Variants in FZD8 observed in about 807,000 individuals in gnomAD.
FZD8 encodes the protein frizzled class receptor 8, also known as frizzled-8.
A neutral mutation model predicts 46.0 loss-of-function variants in FZD8; 18 were observed. The observed-to-expected ratio is 0.39, with a 90% confidence interval of 0.27 to 0.58. The LOEUF (loss-of-function observed/expected upper bound fraction) is 0.58, where lower values mean the gene tolerates loss of function less well. Ranked by LOEUF, FZD8 falls within the 20% of genes least tolerant of loss-of-function variation. FZD8 has a pLI of 0.55. For missense variants in FZD8, 785 were observed against 983.4 expected (o/e 0.80, Z 2.70); for synonymous variants, 586 against 467.9 (o/e 1.25, Z -3.26).
In FZD8 at chr10:35,639,226, T is replaced by C. The variant is rs1835809686; in HGVS notation, c.*119A>G. The C allele has an allele frequency of 6.8e-6, 2 of 293,954 alleles. No individual in the cohort carries two copies. The highest frequency in any genetic ancestry group is 1.3e-5 in the Non-Finnish European group (2 of 157,164). 18.2% of individuals were successfully genotyped at this position (293,954 alleles called of 1,614,324 possible). A position where few individuals can be genotyped will look rare whatever the true frequency, so the allele number is the denominator to read the frequency against. On this transcript the variant is annotated 3_prime_UTR_variant, in exon 1 of 1. Coordinates refer to ENST00000374694, the MANE Select transcript of FZD8 (RefSeq NM_031866.3). Reference sequence around the variant, plus strand: ...GGATACCATTAAGAGTTCATTATCATGCTAATAGCAATCAACACTGTGAAG... The same window carrying C: ...GGATACCATTAAGAGTTCATTATCACGCTAATAGCAATCAACACTGTGAAG...
Position 35,639,492 on chromosome 10 carries a change from G to C in FZD8, c.1938C>G (p.Gly646=). The change falls in exon 1 of 1, where the codon GGC becomes GGG. Residue 646 remains glycine, a synonymous_variant. Transcript: ENST00000374694. ...TAAGGGGGPG[G]GGGGGPGGGG... Reference sequence around the variant, plus strand: ...CGCCGCCGGGTCCCCCGCCGCCGCCGCCCCCCGGCCCGCCGCCACCCCCCG... The same window carrying C: ...CGCCGCCGGGTCCCCCGCCGCCGCCCCCCCCCGGCCCGCCGCCACCCCCCG... 1 of 926,044 alleles carries C rather than the reference G, an allele frequency of 1.1e-6. No individual in the cohort carries two copies. The highest frequency in any genetic ancestry group is 1.3e-6 in the Non-Finnish European group (1 of 779,582). The allele number at this position is 926,044 out of a possible 1,614,324, so 57.4% of individuals were successfully genotyped here. A position where few individuals can be genotyped will look rare whatever the true frequency, so the allele number is the denominator to read the frequency against.
rs898233978 is a variant in FZD8, at chr10:35,642,276, C to G, written c.-847G>C. The G allele has an allele frequency of 3.3e-5, 5 of 152,652 alleles. No homozygotes were observed. The highest frequency in any genetic ancestry group is 1.2e-4 in the African/African-American group (5 of 41,460). The allele number at this position is 152,652 out of a possible 1,614,324, so 9.5% of individuals were successfully genotyped here. ...GGGAGCAGCGCCCTTAGCCCAACTT[C>G]CCGGCTCCAGCCCCGCTCGCGCCGC... is the stretch of plus-strand genomic sequence containing the variant. On this transcript the variant is annotated 5_prime_UTR_variant, in exon 1 of 1. Transcript: ENST00000374694.
Position 35,641,715 on chromosome 10 carries a change from C to T in FZD8, c.-286G>A, listed in dbSNP as rs908202457. 3.9e-5 allele frequency: 12 copies of T among 307,944 alleles called. No homozygotes were observed. In the Admixed American group the frequency reaches 4.0e-4, roughly 10 times the overall value. 19.1% of individuals were successfully genotyped at this position (307,944 alleles called of 1,614,324 possible). ...ACAGTCCGTAGGTCCGCTCTGCTGG[C>T]CCCGGGTCGCGCTCAGCCCTCGCGG... is the stretch of plus-strand genomic sequence containing the variant. On this transcript the variant is annotated 5_prime_UTR_variant, in exon 1 of 1. Transcript: ENST00000374694. The surrounding 1 kb of genome is among the most constrained non-coding windows in gnomAD (Gnocchi z 6.3).
Position 35,639,753 on chromosome 10 carries a change from C to G in FZD8, c.1677G>C (p.Pro559=). 6.2e-7 allele frequency: 1 copy of G among 1,600,590 alleles called. No individual in the cohort carries two copies. Among genetic ancestry groups the G allele is most frequent in the Non-Finnish European group, 8.5e-7 (1 of 1,179,782 alleles). ...GGCAGTTGTGCGTGGCCTCCCAGCGCGGGCGGTTGTGCTGCTCGTAGAAGA... is the reference window on the plus strand; with the variant it reads ...GGCAGTTGTGCGTGGCCTCCCAGCGGGGGCGGTTGTGCTGCTCGTAGAAGA... ...ACLFYEQHNR[P]RWEATHNCPC... Residue 559 remains proline, a synonymous_variant, in exon 1 of 1, where the codon CCG becomes CCC. Coordinates refer to ENST00000374694, the MANE Select transcript of FZD8 (RefSeq NM_031866.3).
Position 35,641,331 on chromosome 10 carries a change from C to G in FZD8, c.99G>C (p.Leu33=). 5 of 1,613,922 alleles carry G rather than the reference C, an allele frequency of 3.1e-6. No homozygotes were observed. In the South Asian group the frequency reaches 5.5e-5, roughly 18 times the overall value. ...GCGGCACGGTGATCTCTTGGCATGC[C>G]AGCTCCTTGGCCGAGGCGGCCGCAG... is the stretch of plus-strand genomic sequence containing the variant. The part of the protein sequence containing the change: ...SGAAAASAKE[L]ACQEITVPLC... The change falls in exon 1 of 1, where the codon CTG becomes CTC. Residue 33 remains leucine, a synonymous_variant. Transcript: ENST00000374694. The surrounding 1 kb of genome is among the most constrained non-coding windows in gnomAD (Gnocchi z 6.3).
Position 35,640,715 on chromosome 10 carries a change from C to A in FZD8, c.715G>T (p.Val239Leu), listed in dbSNP as rs760083063. The change falls in exon 1 of 1, where the codon GTG (valine) becomes TTG (leucine). Residue 239 changes from valine to leucine, a missense_variant. This residue lies in a region of FZD8 where 354 missense variants were observed against 433.2 expected (regional missense o/e 0.82). Coordinates refer to ENST00000374694, the MANE Select transcript of FZD8 (RefSeq NM_031866.3). ...GGGTGGCGCTCGCTGGACACGCTCA[C>A]CATAGGCGCGCGGCACTGGCACCCG... ...EPGCQCRAPM[V>L]SVSSERHPLY... 6 of 1,446,940 alleles carry A rather than the reference C, an allele frequency of 4.1e-6. No homozygotes were observed. The highest frequency in any genetic ancestry group is 5.5e-6 in the Non-Finnish European group (6 of 1,084,910). The allele number at this position is 1,446,940 out of a possible 1,614,324, so 89.6% of individuals were successfully genotyped here. A position where few individuals can be genotyped will look rare whatever the true frequency, so the allele number is the denominator to read the frequency against.
rs1198928046 is a variant in FZD8, at chr10:35,639,464, C to T, written c.1966G>A (p.Gly656Arg). Residue 656 changes from glycine to arginine, a missense_variant, in exon 1 of 1, where the codon GGG becomes AGG. Physicochemically the swap from Gly to Arg is moderately radical, Grantham distance 125 (BLOSUM62 -2). Around this residue, in one of 5 missense-constraint regions of FZD8, gnomAD observed 185 missense variants for 180.8 expected, o/e 1.02. Transcript: ENST00000374694. ...GAGCCCCCGCCGCCGCCCGGCCCCCCGCCGCCGCCGGGTCCCCCGCCGCCG... is the reference window on the plus strand; with the variant it reads ...GAGCCCCCGCCGCCGCCCGGCCCCCTGCCGCCGCCGGGTCCCCCGCCGCCG... ...GGGGGGPGGGGGPGGGGGSLY... is the reference protein window; with the variant it reads ...GGGGGGPGGGRGPGGGGGSLY... The T allele has an allele frequency of 4.9e-6, 5 of 1,028,304 alleles. No homozygotes were observed. Among genetic ancestry groups the T allele is most frequent in the Admixed American group, 5.5e-5 (1 of 18,096 alleles). 63.7% of individuals were successfully genotyped at this position (1,028,304 alleles called of 1,614,324 possible).
rs988871537 is a variant in FZD8 at position 35,641,295 on chromosome 10, G to A, written c.135C>T (p.Gly45=). 2 of 1,614,032 alleles carry A rather than the reference G, an allele frequency of 1.2e-6. No homozygotes were observed. The highest frequency in any genetic ancestry group is 8.5e-7 in the Non-Finnish European group (1 of 1,179,920). The change falls in exon 1 of 1, where the codon GGC becomes GGT. Residue 45 remains glycine (G), a synonymous_variant. Transcript: ENST00000374694. The surrounding 1 kb of genome is among the most constrained non-coding windows in gnomAD (Gnocchi z 6.3). ...CQEITVPLCK[G]IGYNYTYMPN... ...GCATGTAGGTGTAGTTGTAGCCGAT[G>A]CCCTTACACAGCGGCACGGTGATCT...
rs1835848952 is a variant in FZD8 at position 35,640,873 on chromosome 10, G to T, written c.557C>A (p.Pro186Gln). Residue 186 changes from proline (P) to glutamine (Q), a missense_variant, in exon 1 of 1, where the codon CCG becomes CAG. By Grantham distance (76) the Pro-to-Gln change is moderately conservative. This residue lies in a region of FZD8 where 354 missense variants were observed against 433.2 expected (regional missense o/e 0.82). Coordinates refer to ENST00000374694, the MANE Select transcript of FZD8 (RefSeq NM_031866.3). ...PPSGSGHGRPPGARPPHRGGG... is the reference protein window; with the variant it reads ...PPSGSGHGRPQGARPPHRGGG... Reference sequence around the variant, plus strand: ...GCCGCGGTGCGGGGGCCTGGCCCCCGGCGGGCGGCCGTGGCCGCTGCCCGA... The same window carrying T: ...GCCGCGGTGCGGGGGCCTGGCCCCCTGCGGGCGGCCGTGGCCGCTGCCCGA... 1 of 976,998 alleles carries T rather than the reference G, an allele frequency of 1.0e-6. No homozygotes were observed. Among genetic ancestry groups the T allele is most frequent in the Admixed American group, 6.5e-5 (1 of 15,456 alleles). 60.5% of individuals were successfully genotyped at this position (976,998 alleles called of 1,614,324 possible). A position where few individuals can be genotyped will look rare whatever the true frequency, so the allele number is the denominator to read the frequency against.
Position 35,641,941 on chromosome 10 carries a change from C to A in FZD8, c.-512G>T. The A allele has an allele frequency of 6.5e-6, 1 of 153,302 alleles. No individual in the cohort carries two copies. The highest frequency in any genetic ancestry group is 1.8e-4 in the South Asian group (1 of 5,656). The allele number at this position is 153,302 out of a possible 1,614,324, so 9.5% of individuals were successfully genotyped here. A position where few individuals can be genotyped will look rare whatever the true frequency, so the allele number is the denominator to read the frequency against. On this transcript the variant is annotated 5_prime_UTR_variant, in exon 1 of 1. Transcript: ENST00000374694. This position sits in a 1 kb window ranked among gnomAD's most constrained non-coding sequence, Gnocchi z 6.3. ...GCTTGCCGCGCCGGGTCAGCCCTGGCGGCCACCACTCGGCCCCCGGGGGCT... is the reference window on the plus strand; with the variant it reads ...GCTTGCCGCGCCGGGTCAGCCCTGGAGGCCACCACTCGGCCCCCGGGGGCT...
Position 35,639,488 on chromosome 10 carries a change from C to A in FZD8, c.1942G>T (p.Gly648Cys). ...AGGGGGPGGG[G>C]GGGPGGGGGP... ...CCGCCGCCGCCGGGTCCCCCGCCGCCGCCGCCCCCCGGCCCGCCGCCACCC... is the reference window on the plus strand; with the variant it reads ...CCGCCGCCGCCGGGTCCCCCGCCGCAGCCGCCCCCCGGCCCGCCGCCACCC... Residue 648 changes from glycine (G) to cysteine (C), a missense_variant, in exon 1 of 1, where the codon GGC becomes TGC. By Grantham distance (159) the Gly-to-Cys change is radical. Coordinates refer to ENST00000374694, the MANE Select transcript of FZD8 (RefSeq NM_031866.3). 1.0e-6 allele frequency: 1 copy of A among 977,968 alleles called. No homozygotes were observed. Among genetic ancestry groups the A allele is most frequent in the Non-Finnish European group, 1.2e-6 (1 of 824,596 alleles). 60.6% of individuals were successfully genotyped at this position (977,968 alleles called of 1,614,324 possible).
In FZD8 at chr10:35,640,327, C is replaced by CCCGCGCCCG. The variant is rs1835834109; in HGVS notation, c.1094_1102dup (p.Ala365_Ala367dup). 6 of 1,026,330 alleles carry CCCGCGCCCG rather than the reference C, an allele frequency of 5.8e-6. No homozygotes were observed. Among genetic ancestry groups the CCCGCGCCCG allele is most frequent in the African/African-American group, 1.7e-5 (1 of 57,382 alleles). The allele number at this position is 1,026,330 out of a possible 1,614,324, so 63.6% of individuals were successfully genotyped here. A position where few individuals can be genotyped will look rare whatever the true frequency, so the allele number is the denominator to read the frequency against. ...GTACTCGCCGCGCCCGCCCGGGCCG[C>CCCGCGCCCG]CCGCGCCCGCGCCCGCCGCGCCCGC... On this transcript the variant is annotated inframe_insertion, in exon 1 of 1. Coordinates refer to ENST00000374694, the MANE Select transcript of FZD8 (RefSeq NM_031866.3).
At position 35,639,720 on chromosome 10, in the gene FZD8, C is replaced by A. The variant is rs1449659147; in HGVS notation, c.1710G>T (p.Leu570=). Reference sequence around the variant, plus strand: ...GTGCCTGGTCGGGCTGCAGGTCCCGCAGGCACGGGCAGTTGTGCGTGGCCT... The same window carrying A: ...GTGCCTGGTCGGGCTGCAGGTCCCGAAGGCACGGGCAGTTGTGCGTGGCCT... ...RWEATHNCPC[L]RDLQPDQARR... is the part of the protein sequence containing the mutation. Residue 570 remains leucine, a synonymous_variant, in exon 1 of 1, where the codon CTG becomes CTT. Coordinates refer to ENST00000374694, the MANE Select transcript of FZD8 (RefSeq NM_031866.3). 3 of 1,599,810 alleles carry A rather than the reference C, an allele frequency of 1.9e-6. No individual in the cohort carries two copies. In the East Asian group the frequency reaches 6.7e-5, roughly 36 times the overall value.
At position 35,642,270 on chromosome 10, in the gene FZD8, C is replaced by G. The variant is rs1251825131; in HGVS notation, c.-841G>C. On this transcript the variant is annotated 5_prime_UTR_variant, in exon 1 of 1. Coordinates refer to ENST00000374694, the MANE Select transcript of FZD8 (RefSeq NM_031866.3). ...CTCGGCGGGAGCAGCGCCCTTAGCC[C>G]AACTTCCCGGCTCCAGCCCCGCTCG... is the stretch of plus-strand genomic sequence containing the variant. 6.6e-6 allele frequency: 1 copy of G among 152,620 alleles called. No individual in the cohort carries two copies. The highest frequency in any genetic ancestry group is 1.5e-5 in the Non-Finnish European group (1 of 68,488). 9.5% of individuals were successfully genotyped at this position (152,620 alleles called of 1,614,324 possible). A position where few individuals can be genotyped will look rare whatever the true frequency, so the allele number is the denominator to read the frequency against.
rs759953400 is a variant in FZD8, at chr10:35,641,478, G to A, written c.-49C>T. ...CTCGCCCTCCAGGCGGCGCGCAGAG[G>A]GGTGCCGGGGGGGGGGCCCACGAGA... On this transcript the variant is annotated 5_prime_UTR_variant, in exon 1 of 1. Transcript: ENST00000374694. This position sits in a 1 kb window ranked among gnomAD's most constrained non-coding sequence, Gnocchi z 6.3. 7.0e-7 allele frequency: 1 copy of A among 1,420,440 alleles called. No individual in the cohort carries two copies. Among genetic ancestry groups the A allele is most frequent in the Admixed American group, 2.6e-5 (1 of 38,762 alleles). 88.0% of individuals were successfully genotyped at this position (1,420,440 alleles called of 1,614,324 possible).
Position 35,639,310 on chromosome 10 carries a change from C to T in FZD8, c.*35G>A, listed in dbSNP as rs528379270. The stretch of plus-strand genomic sequence containing the variant: ...GCTGCACTTGGCTCTCCTCGCCCCC[C>T]TCCCCACCCCTCCTGGGCGCCCCCT... On this transcript the variant is annotated 3_prime_UTR_variant, in exon 1 of 1. Transcript: ENST00000374694. The T allele has an allele frequency of 4.6e-5, 40 of 877,542 alleles. No individual in the cohort carries two copies. Among genetic ancestry groups the T allele is most frequent in the Middle Eastern group, 3.8e-4 (1 of 2,630 alleles). 54.4% of individuals were successfully genotyped at this position (877,542 alleles called of 1,614,324 possible).
rs1328184123 is a variant in FZD8, at chr10:35,641,458, C to T, written c.-29G>A. 1 of 1,555,650 alleles carries T rather than the reference C, an allele frequency of 6.4e-7. No individual in the cohort carries two copies. Among genetic ancestry groups the T allele is most frequent in the African/African-American group, 1.4e-5 (1 of 72,074 alleles). The stretch of plus-strand genomic sequence containing the variant: ...GTGCGCCTCGGCCCGGTGCCCTCGC[C>T]CTCCAGGCGGCGCGCAGAGGGGTGC... On this transcript the variant is annotated 5_prime_UTR_variant, in exon 1 of 1. Coordinates refer to ENST00000374694, the MANE Select transcript of FZD8 (RefSeq NM_031866.3). The surrounding 1 kb of genome is among the most constrained non-coding windows in gnomAD (Gnocchi z 6.3).
chr10:35,640,914 GGGCGGC>G lies in FZD8; in HGVS notation c.510_515del (p.Pro171_Pro172del), dbSNP rs751784998. On this transcript the variant is annotated inframe_deletion, in exon 1 of 1. Coordinates refer to ENST00000374694, the MANE Select transcript of FZD8 (RefSeq NM_031866.3). Reference sequence around the variant, plus strand: ...CGCTGCCCGAAGGCGGCTGCTCGCCGGGCGGCGGCGGCGGCAGGCGGCGCGGCGGGC... The same window carrying G: ...CGCTGCCCGAAGGCGGCTGCTCGCCGGGCGGCGGCAGGCGGCGCGGCGGGC... 1.6e-6 allele frequency: 2 copies of G among 1,227,208 alleles called. No homozygotes were observed. Among genetic ancestry groups the G allele is most frequent in the Non-Finnish European group, 2.0e-6 (2 of 986,002 alleles). The allele number at this position is 1,227,208 out of a possible 1,614,324, so 76.0% of individuals were successfully genotyped here.
Position 35,639,444 on chromosome 10 carries a change from CCCG to C in FZD8, c.1983_1985del (p.Gly663del), listed in dbSNP as rs1364036320. ...TGCTGACGTCGCTGTAGAGGGAGCC[CCCG>C]CCGCCGCCCGGCCCCCCGCCGCCGC... On this transcript the variant is annotated inframe_deletion, in exon 1 of 1. Coordinates refer to ENST00000374694, the MANE Select transcript of FZD8 (RefSeq NM_031866.3). 2 of 1,160,890 alleles carry C rather than the reference CCCG, an allele frequency of 1.7e-6. No individual in the cohort carries two copies. The highest frequency in any genetic ancestry group is 2.9e-5 in the South Asian group (1 of 34,464). The allele number at this position is 1,160,890 out of a possible 1,614,324, so 71.9% of individuals were successfully genotyped here. A position where few individuals can be genotyped will look rare whatever the true frequency, so the allele number is the denominator to read the frequency against.
Sources: gnomAD v4.1 joint callset for allele counts on GRCh38, gnomAD v4.1.1 for gene constraint, gnomAD v4.1.1 regional missense constraint, Gnocchi (gnomAD v3.1) non-coding constraint, MANE v1.5 for transcripts, NCBI Gene and HGNC (gene_info 2026-07-23, HGNC 2026-07-21) for gene names.